Variants in GRIA4 observed in about 807,000 individuals in gnomAD.
The protein encoded by GRIA4 is glutamate ionotropic receptor AMPA type subunit 4, also known as glutamate receptor 4.
Under a neutral mutation model 104.0 loss-of-function variants are expected in GRIA4, and 34 were observed. The ratio of observed to expected loss-of-function variants is 0.33; its 90% CI spans 0.25 to 0.44. GRIA4 has a LOEUF of 0.44. Ranked by LOEUF, GRIA4 falls within the 20% of genes least tolerant of loss-of-function variation. The probability of loss-of-function intolerance (pLI) is 1.00; values close to 1 mark genes in which losing one functional copy is unlikely to be tolerated. For synonymous variants in GRIA4, 386 were observed against 381.9 expected (o/e 1.01, Z -0.13); for missense variants, 750 against 1,096.5 (o/e 0.68, Z 4.46).
intron 4 of GRIA4, among the ~76,000 whole-genome samples, chr11:105,769,561 T>G (rs180920026): frequency 6.6e-6 from 1 of 152,144 alleles, no homozygotes; most frequent in Non-Finnish European, 1.5e-5. Flanking sequence ...ACAGATAATG[T>G]CAGATAGTGA....
chr11:105,627,549 A>G (rs1591462459), intron 3 of GRIA4, among the ~76,000 whole-genome samples: 1 of 152,200 alleles, frequency 6.6e-6, no homozygotes, highest in South Asian at 2.1e-4. Context: ...CAAATACACT[A>G]AGAAGCCGTT....
intron 10 of GRIA4, chr11:105,913,083 T>G: frequency 2.4e-6 from 2 of 825,258 alleles, no homozygotes; most frequent in Non-Finnish European, 2.9e-6. Context: ...TATATGCTAT[T>G]GCTAAATAAA....
chr11:105,674,121 C>T (rs1952461801), intron 3 of GRIA4, among the ~76,000 whole-genome samples: 1 of 151,960 alleles, frequency 6.6e-6, no homozygotes, highest in Non-Finnish European at 1.5e-5. Context: ...ATATGTGGAA[C>T]TGGATAGTGA....
Position 105,905,943 on chromosome 11 carries a change from T to C in GRIA4, c.1158+642T>C, listed in dbSNP as rs534413993. Reference sequence around the variant, plus strand: ...TCAAGTACTTTATACAGTGCAACCATACAGCCCCACCACAGTAATTGGTTA... The same window carrying C: ...TCAAGTACTTTATACAGTGCAACCACACAGCCCCACCACAGTAATTGGTTA... On this transcript the variant is annotated intron_variant, in intron 9 of 16. Coordinates refer to ENST00000282499, the MANE Select transcript of GRIA4 (RefSeq NM_000829.4). Among the ~76,000 whole-genome samples the C allele has an allele frequency of 1.1e-4, 17 of 152,296 alleles. 1 individual carries two copies. The East Asian group carries it at 3.3e-3, about 29-fold the overall frequency.
intron 4 of GRIA4, among the ~76,000 whole-genome samples, chr11:105,786,069 C>A (rs1037673777): frequency 1.0e-4 from 14 of 136,044 alleles, no homozygotes; most frequent in Non-Finnish European, 1.8e-4. Flanking sequence ...CGCTTGACCC[C>A]GGGAGGTGGA....
At chr11:105,907,112 AC>A (rs1162547446) in intron 9 of GRIA4, among the ~76,000 whole-genome samples, 2 of 152,218 alleles carry the variant, frequency 1.3e-5, no homozygotes, top group African/African-American at 4.8e-5. Context: ...GCTGGTGCTA[AC>A]TAGCAGTAAT....
intron 3 of GRIA4, among the ~76,000 whole-genome samples, chr11:105,719,864 C>T (rs761337435): frequency 3.2e-4 from 49 of 151,904 alleles, no homozygotes; most frequent in Non-Finnish European, 5.9e-4. Context: ...CTTTTCTATA[C>T]TGTATTTTTC....
At chr11:105,900,489 C>T (rs571852601) in intron 7 of GRIA4, among the ~76,000 whole-genome samples, 1 of 152,270 alleles carries the variant, frequency 6.6e-6, no homozygotes, top group East Asian at 1.9e-4. Context: ...AAGTCCTCCA[C>T]CATCATGTCT....
chr11:105,726,695 C>T (rs1288170899), intron 3 of GRIA4, among the ~76,000 whole-genome samples: 2 of 152,148 alleles, frequency 1.3e-5, no homozygotes, highest in Non-Finnish European at 2.9e-5. Context: ...GAGCAGGCAG[C>T]AATCTTTGCT....
At chr11:105,856,164 G>T (rs1310877353) in intron 4 of GRIA4, among the ~76,000 whole-genome samples, 9 of 152,044 alleles carry the variant, frequency 5.9e-5, no homozygotes, top group Non-Finnish European at 1.2e-4. Flanking sequence ...TACCATGTGG[G>T]TTCCTAAGTG....
At chr11:105,658,763 G>C (rs985277157) in intron 3 of GRIA4, among the ~76,000 whole-genome samples, 1 of 151,650 alleles carries the variant, frequency 6.6e-6, no homozygotes, top group Non-Finnish European at 1.5e-5. Flanking sequence ...AATTTTTTGA[G>C]GAAATTTCTA....
chr11:105,744,991 TAGG>T (rs1939556376), intron 3 of GRIA4, among the ~76,000 whole-genome samples: 1 of 152,134 alleles, frequency 6.6e-6, no homozygotes, highest in East Asian at 1.9e-4. Flanking sequence ...AAAAAGGGAA[TAGG>T]TAAACCTTTT....
chr11:105,684,757 C>A (rs1385648093), intron 3 of GRIA4, among the ~76,000 whole-genome samples: 1 of 151,226 alleles, frequency 6.6e-6, no homozygotes, highest in East Asian at 1.9e-4. Context: ...AAAATTAACT[C>A]TTTTAGAATT....
At chr11:105,652,938 G>A (rs1713412477) in intron 3 of GRIA4, among the ~76,000 whole-genome samples, 1 of 148,688 alleles carries the variant, frequency 6.7e-6, no homozygotes, top group Non-Finnish European at 1.5e-5. Context: ...CACAGAGTCT[G>A]GCTCTGTCAC....
At chr11:105,916,840 T>C (rs148081954) in intron 10 of GRIA4, among the ~76,000 whole-genome samples, 152 of 152,306 alleles carry the variant, frequency 1.0e-3, no homozygotes, top group African/African-American at 3.3e-3. Context: ...ACTCTCAAAC[T>C]TGTTACACTT....
chr11:105,913,435 TATC>T (rs1947313454), intron 10 of GRIA4: 4 of 443,526 alleles, frequency 9.0e-6, no homozygotes, highest in Non-Finnish European at 1.2e-5. Context: ...ATAAAATTAA[TATC>T]ATCATTTTTA....
Position 105,888,432 on chromosome 11 carries a change from C to T in GRIA4, c.726+860C>T, listed in dbSNP as rs899469683. Among the ~76,000 whole-genome samples, 6 of 150,902 alleles carry T rather than the reference C, an allele frequency of 4.0e-5. No individual in the cohort carries two copies. The East Asian group carries it at 7.8e-4, about 20-fold the overall frequency. ...CCAAGTAGCTGGGACTACAGGTGCC[C>T]GCCACTACGCCCGGCTAATTTTTTT... On this transcript the variant is annotated intron_variant, in intron 6 of 16. Coordinates refer to ENST00000282499, the MANE Select transcript of GRIA4 (RefSeq NM_000829.4).
intron 3 of GRIA4, among the ~76,000 whole-genome samples, chr11:105,672,391 G>C (rs1952403177): frequency 6.6e-6 from 1 of 152,032 alleles, no homozygotes; most frequent in Admixed American, 6.6e-5. Flanking sequence ...GCTAAGGCAA[G>C]AACACTTTAT....
At chr11:105,958,282 T>G (rs1016801497) in intron 14 of GRIA4, among the ~76,000 whole-genome samples, 1 of 152,204 alleles carries the variant, frequency 6.6e-6, no homozygotes, top group African/African-American at 2.4e-5. Context: ...TTGAGATACG[T>G]CCCATCAATA....
Sources: gnomAD v4.1 joint callset for allele counts (sites outside exome capture counted in the v4.1 genomes callset) on GRCh38, gnomAD v4.1.1 for gene constraint, MANE v1.5 for transcripts, NCBI Gene and HGNC (gene_info 2026-07-23, HGNC 2026-07-21) for gene names.